Variants in MTUS2 observed in about 807,000 individuals in gnomAD.
MTUS2 encodes microtubule-associated tumor suppressor candidate 2.
MTUS2 carries 40 observed loss-of-function variants against 114.1 expected under a neutral mutation model. That is an observed-to-expected ratio of 0.35 (90% CI 0.27 to 0.46). The LOEUF (loss-of-function observed/expected upper bound fraction) is 0.46, where lower values mean the gene tolerates loss of function less well. MTUS2 is among the 20% of genes least tolerant of loss of function. The probability of loss-of-function intolerance (pLI) is 1.00; values close to 1 mark genes in which losing one functional copy is unlikely to be tolerated. For synonymous variants in MTUS2, 688 were observed against 672.0 expected, an observed-to-expected ratio of 1.02 and a Z score of -0.37; for missense variants, 1,679 against 1,705.4, an observed-to-expected ratio of 0.98 and a Z score of 0.27.
chr13:29,158,408 T>G (rs1425472021), intron 5 of MTUS2, among the ~76,000 whole-genome samples: 3 of 128,294 alleles, frequency 2.3e-5, no homozygotes, highest in African/African-American at 9.0e-5. Context: ...TGTCCAAGTG[T>G]CAAAGCCAGG....
chr13:29,340,735 T>G (rs1294554746), intron 7 of MTUS2, among the ~76,000 whole-genome samples: 2 of 152,210 alleles, frequency 1.3e-5, no homozygotes, highest in Admixed American at 6.5e-5. Flanking sequence ...TCTGAGGTCT[T>G]GGTGCACCCA....
intron 5 of MTUS2, among the ~76,000 whole-genome samples, chr13:29,278,478 G>GTTTTC (rs1436440751): frequency 1.3e-5 from 2 of 152,116 alleles, no homozygotes; most frequent in African/African-American, 4.8e-5. Context: ...TTATGAATGG[G>GTTTTC]CATCTTATGG....
Position 29,270,930 on chromosome 13 carries a change from G to A in MTUS2, c.2645-10774G>A, listed in dbSNP as rs75886488. Among the ~76,000 whole-genome samples the A allele has an allele frequency of 2.6e-3, 389 of 152,358 alleles. 6 individuals are homozygous for A. The East Asian group carries it at 0.043, about 17-fold the overall frequency. ...TTGTTACCTGTCACCATCAGAGAGC[G>A]TCTTCTCTGTCCCTTGTAAATGTTA... On this transcript the variant is annotated intron_variant, in intron 5 of 15. Coordinates refer to ENST00000612955, the MANE Select transcript of MTUS2 (RefSeq NM_001033602.4).
At chr13:29,141,375 T>C (rs966332571) in intron 5 of MTUS2, among the ~76,000 whole-genome samples, 1 of 152,144 alleles carries the variant, frequency 6.6e-6, no homozygotes, top group Non-Finnish European at 1.5e-5. Context: ...AACAGATACA[T>C]TGGAAATATC....
At chr13:28,903,579 C>T (rs1879785054) in intron 2 of MTUS2, among the ~76,000 whole-genome samples, 1 of 151,766 alleles carries the variant, frequency 6.6e-6, no homozygotes, top group East Asian at 1.9e-4. Flanking sequence ...CATGTCCCTA[C>T]AAAGGACATG....
chr13:29,188,248 T>C (rs1419042343), intron 5 of MTUS2, among the ~76,000 whole-genome samples: 2 of 152,154 alleles, frequency 1.3e-5, no homozygotes, highest in African/African-American at 4.8e-5. Context: ...CTGAGATTCA[T>C]AGAAATGAAG....
At chr13:29,256,514 G>T (rs1403002975) in intron 5 of MTUS2, among the ~76,000 whole-genome samples, 1 of 152,220 alleles carries the variant, frequency 6.6e-6, no homozygotes, top group Non-Finnish European at 1.5e-5. Context: ...CAAGGGCAGG[G>T]CCTCCTTCCT....
intron 2 of MTUS2, among the ~76,000 whole-genome samples, chr13:28,848,009 A>T (rs1328709755): frequency 2.6e-5 from 4 of 152,120 alleles, no homozygotes; most frequent in Non-Finnish European, 5.9e-5. Flanking sequence ...TATCTGCAGG[A>T]TAATGCCCCG....
chr13:29,201,832 C>A (rs951502967), intron 5 of MTUS2, among the ~76,000 whole-genome samples: 9 of 152,152 alleles, frequency 5.9e-5, no homozygotes, highest in African/African-American at 2.2e-4. Flanking sequence ...AATATTGGCC[C>A]CCACTCTCTT....
intron 5 of MTUS2, among the ~76,000 whole-genome samples, chr13:29,167,844 C>T (rs922521121): frequency 2.0e-5 from 3 of 152,174 alleles, no homozygotes; most frequent in African/African-American, 7.2e-5. Context: ...AAACACTTCT[C>T]TTCCCAAACA....
intron 2 of MTUS2, among the ~76,000 whole-genome samples, chr13:28,998,978 G>T (rs570208124): frequency 1.4e-4 from 21 of 152,100 alleles, no homozygotes; most frequent in Non-Finnish European, 2.4e-4. Context: ...GATTTTTAGA[G>T]TTTCCGGTTT....
intron 2 of MTUS2, among the ~76,000 whole-genome samples, chr13:28,858,509 G>T (rs1876775092): frequency 6.6e-6 from 1 of 152,120 alleles, no homozygotes; most frequent in South Asian, 2.1e-4. Flanking sequence ...GAACATTGTT[G>T]TCATTATCTA....
chr13:29,096,616 A>C (rs1164645072), intron 4 of MTUS2, among the ~76,000 whole-genome samples: 1 of 152,202 alleles, frequency 6.6e-6, no homozygotes. Flanking sequence ...GATTGCCGTT[A>C]GGCCCAAACT....
intron 7 of MTUS2, among the ~76,000 whole-genome samples, chr13:29,336,778 G>A (rs1901086121): frequency 6.6e-6 from 1 of 152,204 alleles, no homozygotes; most frequent in African/African-American, 2.4e-5. Context: ...GTTTCAAGGA[G>A]ATGGGAATTC....
At chr13:29,290,951 A>G (rs1898686696) in intron 6 of MTUS2, among the ~76,000 whole-genome samples, 1 of 152,244 alleles carries the variant, frequency 6.6e-6, no homozygotes, top group Non-Finnish European at 1.5e-5. Flanking sequence ...ATTTGAGAGC[A>G]CTTGCCACAA....
intron 5 of MTUS2, among the ~76,000 whole-genome samples, chr13:29,203,312 G>A (rs925415027): frequency 6.6e-6 from 1 of 152,152 alleles, no homozygotes; most frequent in Non-Finnish European, 1.5e-5. Context: ...TTTACACTGT[G>A]AGGGGAAAAC....
At chr13:29,209,521 T>C (rs1895335578) in intron 5 of MTUS2, among the ~76,000 whole-genome samples, 1 of 152,108 alleles carries the variant, frequency 6.6e-6, no homozygotes, top group Admixed American at 6.5e-5. Flanking sequence ...TATTGTTTTA[T>C]ATATCCTGTG....
At chr13:29,023,399 C>T (rs552775639) in intron 2 of MTUS2, among the ~76,000 whole-genome samples, 11 of 152,278 alleles carry the variant, frequency 7.2e-5, no homozygotes, top group African/African-American at 2.6e-4. Flanking sequence ...GAATTATTAC[C>T]TAGATTTTCA....
At chr13:29,432,347 C>T (rs1319251600) in intron 8 of MTUS2, among the ~76,000 whole-genome samples, 1 of 152,112 alleles carries the variant, frequency 6.6e-6, no homozygotes, top group Non-Finnish European at 1.5e-5. Context: ...TCTACATGCA[C>T]AGAAACTCCT....
Sources: gnomAD v4.1 joint callset for allele counts (sites outside exome capture counted in the v4.1 genomes callset) on GRCh38, gnomAD v4.1.1 for gene constraint, MANE v1.5 for transcripts, NCBI Gene and HGNC (gene_info 2026-07-23, HGNC 2026-07-21) for gene names.